Variants in SKAP2 observed in about 807,000 individuals in gnomAD.
SKAP2 encodes the protein src kinase-associated phosphoprotein 2.
A neutral mutation model predicts 54.9 loss-of-function variants in SKAP2; 28 were observed. That is an observed-to-expected ratio of 0.51 (90% CI 0.38 to 0.70). The LOEUF is 0.70. SKAP2 is among the 30% of genes least tolerant of loss of function. The pLI is 0.00. For synonymous variants in SKAP2, 137 were observed against 134.3 expected (o/e 1.02, Z -0.14); for missense variants, 356 against 424.1 (o/e 0.84, Z 1.41).
chr7:26,707,671 T>C (rs1412622517), intron 9 of SKAP2, among the ~76,000 whole-genome samples: 1 of 152,072 alleles, frequency 6.6e-6, no homozygotes, highest in Non-Finnish European at 1.5e-5. Context: ...AGTTTTAACA[T>C]CTTCATGGAC....
At chr7:26,726,639 CAT>C (rs1268704202) in intron 7 of SKAP2, 1 of 328,002 alleles carries the variant, frequency 3.0e-6, no homozygotes, top group Non-Finnish European at 5.6e-6. Context: ...ATGTGTGCAA[CAT>C]GTGAAGTAAT....
At chr7:26,770,880 G>C (rs1783174928) in intron 4 of SKAP2, among the ~76,000 whole-genome samples, 1 of 152,106 alleles carries the variant, frequency 6.6e-6, no homozygotes, top group South Asian at 2.1e-4. Flanking sequence ...GGGAGCTGCA[G>C]ACCGGAGCTG....
chr7:26,714,762 G>T (rs1029557401), intron 9 of SKAP2, among the ~76,000 whole-genome samples: 2 of 152,172 alleles, frequency 1.3e-5, no homozygotes, highest in Non-Finnish European at 2.9e-5. Context: ...GTACATATGT[G>T]TGTATTTTTT....
chr7:26,737,569 T>G (rs1787970292), intron 6 of SKAP2, among the ~76,000 whole-genome samples: 1 of 152,210 alleles, frequency 6.6e-6, no homozygotes, highest in African/African-American at 2.4e-5. Context: ...ATAAATAATG[T>G]CAAATAAAAC....
At chr7:26,733,741 C>G (rs1028942859) in intron 6 of SKAP2, among the ~76,000 whole-genome samples, 1 of 152,072 alleles carries the variant, frequency 6.6e-6, no homozygotes. Flanking sequence ...GCCCAATTTT[C>G]TACGGACTTT....
intron 4 of SKAP2, among the ~76,000 whole-genome samples, chr7:26,789,606 C>T (rs1044172214): frequency 6.6e-6 from 1 of 152,076 alleles, no homozygotes; most frequent in Admixed American, 6.6e-5. Flanking sequence ...TACTTTCAAG[C>T]TTTTTCATTT....
intron 4 of SKAP2, among the ~76,000 whole-genome samples, chr7:26,834,044 T>A (rs1286359123): frequency 1.3e-5 from 2 of 152,158 alleles, no homozygotes; most frequent in African/African-American, 4.8e-5. Context: ...AGAAACTCAC[T>A]CAACACCGCA....
Position 26,712,578 on chromosome 7 carries a change from A to G in SKAP2, c.796+12850T>C, listed in dbSNP as rs2127950641. On this transcript the variant is annotated intron_variant, in intron 9 of 12. Transcript: ENST00000345317. ...CCTAGGTTCAAATCCCAACTCTGCT[A>G]TCTCCTAGCTTGTGCCTCTAAACAA... Among the ~76,000 whole-genome samples, 6 of 152,316 alleles carry G rather than the reference A, an allele frequency of 3.9e-5. No individual in the cohort carries two copies. The South Asian group carries it at 1.2e-3, about 32-fold the overall frequency.
At chr7:26,738,526 T>C (rs1024187047) in intron 6 of SKAP2, among the ~76,000 whole-genome samples, 3 of 152,206 alleles carry the variant, frequency 2.0e-5, no homozygotes, top group African/African-American at 7.2e-5. Context: ...ATAATAAATA[T>C]TCCCTAAGGT....
intron 4 of SKAP2, among the ~76,000 whole-genome samples, chr7:26,744,524 G>A (rs886593705): frequency 6.6e-6 from 1 of 152,158 alleles, no homozygotes; most frequent in African/African-American, 2.4e-5. Flanking sequence ...GGGTGAGAGA[G>A]AGTTAGAGTT....
At chr7:26,813,109 T>G (rs7785815) in intron 4 of SKAP2, among the ~76,000 whole-genome samples, 1 of 152,092 alleles carries the variant, frequency 6.6e-6, no homozygotes, top group South Asian at 2.1e-4. Context: ...TTCTACTAAC[T>G]TCAATTTTTT....
intron 1 of SKAP2, chr7:26,857,734 C>A (rs1266242854): frequency 4.1e-6 from 4 of 985,438 alleles, no homozygotes; most frequent in Non-Finnish European, 4.8e-6. Context: ...GGGGCTGGAT[C>A]TGTGGCTTTG....
Position 26,738,785 on chromosome 7 carries a change from C to A in SKAP2, c.469+10G>T. The A allele has an allele frequency of 6.6e-7, 1 of 1,518,694 alleles. No individual in the cohort carries two copies. The highest frequency in any genetic ancestry group is 1.1e-5 in the South Asian group (1 of 88,762). 94.1% of individuals were successfully genotyped at this position (1,518,694 alleles called of 1,614,324 possible). A position where few individuals can be genotyped will look rare whatever the true frequency, so the allele number is the denominator to read the frequency against. ...CAATAGTAGTTGATATAATTGAACA[C>A]CAACATTACCTTTATCACTTCCATA... On this transcript the variant is annotated intron_variant, in intron 6 of 12. Coordinates refer to ENST00000345317, the MANE Select transcript of SKAP2 (RefSeq NM_003930.5).
the SKAP2 span, among the ~76,000 whole-genome samples, chr7:26,658,034 C>T: frequency 6.6e-6 from 1 of 152,092 alleles, no homozygotes; most frequent in Non-Finnish European, 1.5e-5. Flanking sequence ...GGTAATTGTG[C>T]TACTGAGGTC....
chr7:26,737,095 T>C lies in SKAP2; in HGVS notation c.469+1700A>G, dbSNP rs955997611. Reference sequence around the variant, plus strand: ...GAGGAAACACTGACATTAGTATTCATTGATTCTTAAAGAAATTAGAAATGA... The same window carrying C: ...GAGGAAACACTGACATTAGTATTCACTGATTCTTAAAGAAATTAGAAATGA... On this transcript the variant is annotated intron_variant, in intron 6 of 12. Coordinates refer to ENST00000345317, the MANE Select transcript of SKAP2 (RefSeq NM_003930.5). 5.3e-5 allele frequency among the ~76,000 whole-genome samples: 8 copies of C among 152,194 alleles called. 1 individual carries two copies. The highest frequency in any genetic ancestry group is 1.9e-4 in the East Asian group (1 of 5,206).
chr7:26,782,777 G>A (rs1426863088), intron 4 of SKAP2, among the ~76,000 whole-genome samples: 2 of 152,184 alleles, frequency 1.3e-5, no homozygotes, highest in Non-Finnish European at 2.9e-5. Flanking sequence ...CCTCATAAAA[G>A]AGGCCCTAGA....
intron 4 of SKAP2, among the ~76,000 whole-genome samples, chr7:26,818,688 C>G (rs1784322030): frequency 6.6e-6 from 1 of 151,850 alleles, no homozygotes; most frequent in Non-Finnish European, 1.5e-5. Flanking sequence ...TGACAAAGGG[C>G]TAATATCCAG....
At chr7:26,693,949 A>G (rs1786842177) in intron 9 of SKAP2, among the ~76,000 whole-genome samples, 2 of 152,314 alleles carry the variant, frequency 1.3e-5, no homozygotes, top group South Asian at 4.1e-4. Context: ...TGTTCGATAA[A>G]TACAGAATAA....
At chr7:26,683,158 A>G (rs1228619515) in intron 11 of SKAP2, among the ~76,000 whole-genome samples, 2 of 152,240 alleles carry the variant, frequency 1.3e-5, no homozygotes, top group Non-Finnish European at 2.9e-5. Flanking sequence ...AATTGGTTTT[A>G]AAAAGACTGT....
Sources: allele counts gnomAD v4.1 joint callset (sites outside exome capture counted in the v4.1 genomes callset), GRCh38; gene constraint gnomAD v4.1.1; transcripts MANE v1.5; gene names NCBI Gene and HGNC (gene_info 2026-07-23, HGNC 2026-07-21).